GABRB1: variants seen among roughly 807,000 people sequenced by gnomAD.
The protein encoded by GABRB1 is gamma-aminobutyric acid receptor subunit beta-1.
Under a neutral mutation model 51.6 loss-of-function variants are expected in GABRB1, and 17 were observed. That is an observed-to-expected ratio of 0.33 (90% CI 0.23 to 0.49). The LOEUF is 0.49. GABRB1 is among the 20% of genes least tolerant of loss of function. GABRB1 has a pLI of 0.99. For synonymous variants in GABRB1, 247 were observed against 218.9 expected (o/e 1.13, Z -1.14); for missense variants, 410 against 600.6 (o/e 0.68, Z 3.32).
At chr4:47,069,677 C>T (rs777565714) in intron 3 of GABRB1, among the ~76,000 whole-genome samples, 1 of 152,172 alleles carries the variant, frequency 6.6e-6, no homozygotes, top group Non-Finnish European at 1.5e-5. Flanking sequence ...TCCTCTCATT[C>T]CTGTCCATCA....
At chr4:46,997,480 C>CA (rs1274575535) in intron 1 of GABRB1, among the ~76,000 whole-genome samples, 2 of 151,480 alleles carry the variant, frequency 1.3e-5, no homozygotes, top group African/African-American at 4.8e-5. Flanking sequence ...TCGTACGCTT[C>CA]AAGCTGTATC....
intron 5 of GABRB1, among the ~76,000 whole-genome samples, chr4:47,340,783 A>C (rs1725863937): frequency 6.6e-6 from 1 of 152,044 alleles, no homozygotes; most frequent in East Asian, 1.9e-4. Flanking sequence ...GGCAAACTCA[A>C]ACCTGGGAAA....
At chr4:47,093,288 A>G (rs545955416) in intron 3 of GABRB1, among the ~76,000 whole-genome samples, 6 of 152,342 alleles carry the variant, frequency 3.9e-5, no homozygotes, top group East Asian at 1.9e-4. Context: ...CCCATTAAAT[A>G]TGAATATTCT....
At chr4:47,306,008 A>T (rs1163554922) in intron 4 of GABRB1, among the ~76,000 whole-genome samples, 1 of 152,114 alleles carries the variant, frequency 6.6e-6, no homozygotes, top group Non-Finnish European at 1.5e-5. Flanking sequence ...GTGAAAATTA[A>T]ATCATCATGC....
Position 47,425,919 on chromosome 4 carries a change from C to T in GABRB1, c.1326C>T (p.Asp442=). ...CCCAGCTCAAAGTCAAGATCCCCGA[C>T]TTGACTGATGTGAATTCCATAGACA... The part of the protein sequence containing the change: ...RASQLKVKIP[D]LTDVNSIDKW... The change falls in exon 9 of 9, where the codon GAC becomes GAT. Residue 442 remains aspartate (D), a synonymous_variant. Transcript: ENST00000295454. The T allele has an allele frequency of 1.9e-6, 3 of 1,614,160 alleles. No individual in the cohort carries two copies. The highest frequency in any genetic ancestry group is 1.6e-4 in the Middle Eastern group (1 of 6,062).
At chr4:47,318,002 T>G (rs1245405538) in intron 4 of GABRB1, among the ~76,000 whole-genome samples, 2 of 152,022 alleles carry the variant, frequency 1.3e-5, no homozygotes, top group Non-Finnish European at 2.9e-5. Flanking sequence ...AACAAATTTA[T>G]CATTTGCAAT....
intron 3 of GABRB1, among the ~76,000 whole-genome samples, chr4:47,062,427 C>T (rs13143575): frequency 0.081 from 10,936 of 134,794 alleles, 494 homozygotes; most frequent in South Asian, 0.22. Context: ...CTACAATGTT[C>T]TTTGGTTATA....
chr4:47,153,799 A>G (rs1043163654), intron 3 of GABRB1, among the ~76,000 whole-genome samples: 2 of 152,064 alleles, frequency 1.3e-5, no homozygotes, highest in African/African-American at 4.8e-5. Flanking sequence ...AAGTCTGACT[A>G]CACAGTTGGG....
In GABRB1 at chr4:47,339,728, A is replaced by G. The variant is rs1389377104; in HGVS notation, c.544+19519A>G. Among the ~76,000 whole-genome samples the G allele has an allele frequency of 2.6e-5, 4 of 152,064 alleles. No individual in the cohort carries two copies. The East Asian group carries it at 7.7e-4, about 29-fold the overall frequency. On this transcript the variant is annotated intron_variant, in intron 5 of 8. Transcript: ENST00000295454. The stretch of plus-strand genomic sequence containing the variant: ...TAGAAAGTGGCGAAGCCCAGACTAC[A>G]TTATGGGCTATATGAGTTAAAAATC...
At chr4:47,127,425 T>C (rs1223782119) in intron 3 of GABRB1, among the ~76,000 whole-genome samples, 2 of 151,846 alleles carry the variant, frequency 1.3e-5, no homozygotes, top group Non-Finnish European at 3.0e-5. Flanking sequence ...CAATTTGCCT[T>C]AACTAATTTC....
chr4:47,019,183 A>G (rs535018422), intron 1 of GABRB1, among the ~76,000 whole-genome samples: 6 of 152,122 alleles, frequency 3.9e-5, no homozygotes, highest in South Asian at 2.1e-4. Context: ...CATATTGGTT[A>G]ATCTATCAAC....
At chr4:47,063,606 G>C (rs1577873261) in intron 3 of GABRB1, among the ~76,000 whole-genome samples, 1 of 152,266 alleles carries the variant, frequency 6.6e-6, no homozygotes, top group East Asian at 1.9e-4. Context: ...GCATGATGAA[G>C]GTAGAAAGAG....
intron 4 of GABRB1, among the ~76,000 whole-genome samples, chr4:47,206,313 A>C (rs1461326370): frequency 6.6e-6 from 1 of 152,044 alleles, no homozygotes; most frequent in East Asian, 1.9e-4. Flanking sequence ...AAATAATCCT[A>C]GGAAGGAATG....
intron 4 of GABRB1, among the ~76,000 whole-genome samples, chr4:47,235,346 T>G (rs1433213815): frequency 6.6e-6 from 1 of 152,130 alleles, no homozygotes; most frequent in Non-Finnish European, 1.5e-5. Flanking sequence ...GGTCAGAAGT[T>G]GAAGACCATC....
At chr4:47,399,795 C>A (rs1256956024) in intron 5 of GABRB1, among the ~76,000 whole-genome samples, 1 of 152,160 alleles carries the variant, frequency 6.6e-6, no homozygotes, top group Non-Finnish European at 1.5e-5. Flanking sequence ...ATTCCATAAT[C>A]TTTTCTTTCC....
At chr4:47,371,576 T>G (rs536909469) in intron 5 of GABRB1, among the ~76,000 whole-genome samples, 15 of 152,338 alleles carry the variant, frequency 9.8e-5, no homozygotes, top group East Asian at 1.9e-4. Flanking sequence ...TGTTCCTTTT[T>G]CTCCACAACC....
chr4:47,309,772 G>A (rs1480675925), intron 4 of GABRB1, among the ~76,000 whole-genome samples: 1 of 152,040 alleles, frequency 6.6e-6, no homozygotes, highest in Non-Finnish European at 1.5e-5. Flanking sequence ...CTGTGATAAT[G>A]TCATTATGGG....
chr4:47,211,192 C>A (rs938106421), intron 4 of GABRB1, among the ~76,000 whole-genome samples: 1 of 152,032 alleles, frequency 6.6e-6, no homozygotes, highest in Non-Finnish European at 1.5e-5. Context: ...TGAATCTGAG[C>A]CTAATATGAG....
chr4:47,291,825 C>G lies in GABRB1; in HGVS notation c.462-28302C>G, dbSNP rs900353864. Among the ~76,000 whole-genome samples, 16 of 152,158 alleles carry G rather than the reference C, an allele frequency of 1.1e-4. 1 individual carries two copies. Among genetic ancestry groups the G allele is most frequent in the Admixed American group, 7.2e-4 (11 of 15,282 alleles). ...GGTGTATTTATCCAATGCCTGTACC[C>G]CCCACTGTATCTAGGAAATAACTAA... On this transcript the variant is annotated intron_variant, in intron 4 of 8. Coordinates refer to ENST00000295454, the MANE Select transcript of GABRB1 (RefSeq NM_000812.4).
Sources: gnomAD v4.1 joint callset for allele counts (sites outside exome capture counted in the v4.1 genomes callset) on GRCh38, gnomAD v4.1.1 for gene constraint, MANE v1.5 for transcripts, NCBI Gene and HGNC (gene_info 2026-07-23, HGNC 2026-07-21) for gene names.